Variants in TNRC6A observed in about 807,000 individuals in gnomAD.
The protein encoded by TNRC6A is trinucleotide repeat containing adaptor 6A.
Under a neutral mutation model 221.2 loss-of-function variants are expected in TNRC6A, and 44 were observed. The observed-to-expected ratio is 0.20, with a 90% confidence interval of 0.16 to 0.26. The LOEUF is 0.26. Ranked by LOEUF, TNRC6A falls within the 10% of genes least tolerant of loss-of-function variation. TNRC6A has a pLI of 1.00. For missense variants in TNRC6A, 2,199 were observed against 2,404.4 expected (o/e 0.91, Z 1.79); for synonymous variants, 847 against 838.5 (o/e 1.01, Z -0.18).
intron 1 of TNRC6A, among the ~76,000 whole-genome samples, chr16:24,616,520 A>G (rs563837586): frequency 2.6e-5 from 4 of 152,192 alleles, no homozygotes; most frequent in Admixed American, 2.0e-4. Context: ...TGTTATTTCT[A>G]TCTTGACAAC....
At chr16:24,794,506 A>G in intron 7 of TNRC6A, 38 bp from the exon 8 acceptor site, 1 of 1,576,976 alleles carries the variant, frequency 6.3e-7, no homozygotes, top group South Asian at 1.2e-5. Flanking sequence ...TTCTTTTATT[A>G]AAGTATGTTT....
At chr16:24,663,839 T>G (rs2055087038) in intron 2 of TNRC6A, 1 of 446,232 alleles carries the variant, frequency 2.2e-6, no homozygotes, top group Admixed American at 2.4e-5. Context: ...AATCATGTTG[T>G]TAGCATCAAC....
intron 2 of TNRC6A, among the ~76,000 whole-genome samples, chr16:24,693,064 ACACT>A (rs969655036): frequency 1.3e-5 from 2 of 152,230 alleles, no homozygotes; most frequent in Non-Finnish European, 2.9e-5. Context: ...AATAATAAAC[ACACT>A]CACACTATTA....
intron 2 of TNRC6A, among the ~76,000 whole-genome samples, chr16:24,684,260 G>A (rs940494677): frequency 1.3e-5 from 2 of 151,928 alleles, no homozygotes; most frequent in Non-Finnish European, 2.9e-5. Context: ...AACAAGATTA[G>A]CTAGGTGTGG....
intron 3 of TNRC6A, among the ~76,000 whole-genome samples, chr16:24,757,061 A>C (rs1327434217): frequency 6.6e-6 from 1 of 152,226 alleles, no homozygotes; most frequent in Non-Finnish European, 1.5e-5. Context: ...GATTTTAAAA[A>C]TGATTTTCCC....
chr16:24,711,651 T>C (rs954999266), intron 2 of TNRC6A, among the ~76,000 whole-genome samples: 1 of 147,338 alleles, frequency 6.8e-6, no homozygotes, highest in Non-Finnish European at 1.5e-5. Context: ...ATCCATGTTA[T>C]GTATTTAAAT....
At chr16:24,764,762 C>G (rs1482058848) in intron 4 of TNRC6A, among the ~76,000 whole-genome samples, 1 of 152,042 alleles carries the variant, frequency 6.6e-6, no homozygotes, top group Non-Finnish European at 1.5e-5. Flanking sequence ...CAGTAATCCC[C>G]CTGTATCCAC....
At chr16:24,623,152 AATTTATTTATTTATTTATTT>A (rs199950284) in intron 1 of TNRC6A, among the ~76,000 whole-genome samples, 1 of 143,762 alleles carries the variant, frequency 7.0e-6, no homozygotes, top group Non-Finnish European at 1.5e-5. Context: ...AAGTGATAAG[AATTTATTTATTTATTTATTT>A]ATTTATTTAT....
intron 2 of TNRC6A, among the ~76,000 whole-genome samples, chr16:24,687,954 CTTTT>C (rs770651349): frequency 0.011 from 801 of 70,562 alleles, 6 homozygotes; most frequent in Admixed American, 0.015. Flanking sequence ...CTTTTCTTTT[CTTTT>C]TTTTTTTTTT....
At position 24,783,527 on chromosome 16, in the gene TNRC6A, A is replaced by T. The variant is rs184025157; in HGVS notation, c.590-5705A>T. 8.6e-3 allele frequency among the ~76,000 whole-genome samples: 1,250 copies of T among 145,494 alleles called. 10 individuals are homozygous for T. Among genetic ancestry groups the T allele is most frequent in the Middle Eastern group, 0.043 (12 of 278 alleles). On this transcript the variant is annotated intron_variant, in intron 5 of 24. Coordinates refer to ENST00000395799, the MANE Select transcript of TNRC6A (RefSeq NM_014494.4). ...TTGGATAGATGTTCTATTATGTACAATTTTTTTTTTTTTTGAGTGTGGTAC... is the reference window on the plus strand; with the variant it reads ...TTGGATAGATGTTCTATTATGTACATTTTTTTTTTTTTTTGAGTGTGGTAC...
At position 24,823,038 on chromosome 16, in the gene TNRC6A, T is replaced by G. The variant is rs767913323; in HGVS notation, c.5513+25T>G. ...TGTAAGTTGGCTGTTGGGCTCCCAG[T>G]TGGAAGAGTCTAGGGGAAGGAGTGT... On this transcript the variant is annotated intron_variant, in intron 24 of 24. Coordinates refer to ENST00000395799, the MANE Select transcript of TNRC6A (RefSeq NM_014494.4). The surrounding 1 kb of genome is among the most constrained non-coding windows in gnomAD (Gnocchi z 4.3). The G allele has an allele frequency of 1.2e-6, 2 of 1,614,046 alleles. No homozygotes were observed. The highest frequency in any genetic ancestry group is 1.7e-6 in the Non-Finnish European group (2 of 1,179,952).
chr16:24,802,889 G>A (rs953790787), intron 11 of TNRC6A, among the ~76,000 whole-genome samples: 2 of 152,206 alleles, frequency 1.3e-5, no homozygotes, highest in African/African-American at 4.8e-5. Flanking sequence ...TAAAAGATTT[G>A]TTGAAATAGA....
chr16:24,694,653 C>CAAA (rs145287258), intron 2 of TNRC6A, among the ~76,000 whole-genome samples: 6 of 54,840 alleles, frequency 1.1e-4, no homozygotes, highest in Non-Finnish European at 1.2e-4. Flanking sequence ...GACTCTGTCT[C>CAAA]AAAAAAAAAA....
At chr16:24,677,351 C>T (rs185634701) in intron 2 of TNRC6A, among the ~76,000 whole-genome samples, 21 of 152,054 alleles carry the variant, frequency 1.4e-4, no homozygotes, top group African/African-American at 4.6e-4. Flanking sequence ...TTAGTAGAGA[C>T]GGGGTTTTGC....
intron 2 of TNRC6A, among the ~76,000 whole-genome samples, chr16:24,643,462 C>T (rs1902104517): frequency 6.6e-6 from 1 of 152,068 alleles, no homozygotes. Flanking sequence ...TTTCTTTCAG[C>T]TGTGACCACC....
chr16:24,626,046 C>T (rs1284738124), intron 1 of TNRC6A, among the ~76,000 whole-genome samples: 1 of 152,142 alleles, frequency 6.6e-6, no homozygotes, highest in African/African-American at 2.4e-5. Flanking sequence ...TCAGGGGTTA[C>T]ATGTGCAGGT....
chr16:24,688,096 C>A (rs1018385938), intron 2 of TNRC6A, among the ~76,000 whole-genome samples: 1 of 143,254 alleles, frequency 7.0e-6, no homozygotes, highest in African/African-American at 2.6e-5. Flanking sequence ...CCATGCCCTG[C>A]TAATTTTTTT....
intron 2 of TNRC6A, among the ~76,000 whole-genome samples, chr16:24,704,802 C>CT (rs1286088556): frequency 6.7e-6 from 1 of 150,096 alleles, no homozygotes; most frequent in Non-Finnish European, 1.5e-5. Context: ...GCATGCAATA[C>CT]TTTCACAAGT....
intron 4 of TNRC6A, among the ~76,000 whole-genome samples, chr16:24,770,534 A>G (rs1038607501): frequency 6.6e-6 from 1 of 152,194 alleles, no homozygotes; most frequent in Non-Finnish European, 1.5e-5. Context: ...TTGACTGACT[A>G]GATACAGGGG....
Sources: gnomAD v4.1 joint callset for allele counts (sites outside exome capture counted in the v4.1 genomes callset) on GRCh38, gnomAD v4.1.1 for gene constraint, Gnocchi (gnomAD v3.1) non-coding constraint, MANE v1.5 for transcripts, NCBI Gene and HGNC (gene_info 2026-07-23, HGNC 2026-07-21) for gene names.